The following MBNL2 variants were observed in gnomAD, a reference collection of about 807,000 sequenced individuals.
MBNL2 encodes muscleblind-like protein 2.
A neutral mutation model predicts 41.9 loss-of-function variants in MBNL2; 17 were observed. The ratio of observed to expected loss-of-function variants is 0.41; its 90% CI spans 0.28 to 0.61. The LOEUF is 0.61. Ranked by LOEUF, MBNL2 falls within the 20% of genes least tolerant of loss-of-function variation. MBNL2 has a pLI of 0.35. For synonymous variants in MBNL2, 195 were observed against 182.9 expected (o/e 1.07, Z -0.53); for missense variants, 336 against 505.6 (o/e 0.66, Z 3.22).
At chr13:97,188,109 T>G in the MBNL2 span, among the ~76,000 whole-genome samples, 1 of 152,120 alleles carries the variant, frequency 6.6e-6, no homozygotes, top group East Asian at 1.9e-4. Flanking sequence ...GCAGAGTAAT[T>G]GTCCTTAAAA....
chr13:97,326,339 C>A (rs1376030770), intron 2 of MBNL2, among the ~76,000 whole-genome samples: 1 of 152,172 alleles, frequency 6.6e-6, no homozygotes, highest in Non-Finnish European at 1.5e-5. Context: ...TTCCTTATAT[C>A]ATTCTAGGCA....
At chr13:97,355,493 C>A (rs986344064) in intron 5 of MBNL2, among the ~76,000 whole-genome samples, 3 of 152,028 alleles carry the variant, frequency 2.0e-5, no homozygotes, top group South Asian at 4.1e-4. Flanking sequence ...ATTAGAGAAA[C>A]CTTAGGGACT....
chr13:97,249,176 A>G (rs1389142643), intron 1 of MBNL2, among the ~76,000 whole-genome samples: 1 of 152,242 alleles, frequency 6.6e-6, no homozygotes, highest in East Asian at 1.9e-4. Context: ...CATTATAACA[A>G]AAATGTGTCC....
the MBNL2 span, among the ~76,000 whole-genome samples, chr13:97,165,526 G>A: frequency 6.6e-6 from 1 of 152,200 alleles, no homozygotes; most frequent in East Asian, 1.9e-4. Context: ...AATTTCAGTT[G>A]GGAGGTTTAG....
chr13:97,351,493 G>A lies in MBNL2; in HGVS notation c.804+4426G>A, dbSNP rs116102502. Among the ~76,000 whole-genome samples the A allele has an allele frequency of 9.9e-3, 1,504 of 152,260 alleles. 20 individuals are homozygous for A. The highest frequency in any genetic ancestry group is 0.032 in the African/African-American group (1,322 of 41,562). On this transcript the variant is annotated intron_variant, in intron 5 of 8. Transcript: ENST00000679496. ...ATCTTCCAATATCTGGCTTGTCTAC[G>A]TTGACATCTGTTGTTTACTGTGGCC... is the stretch of plus-strand genomic sequence containing the variant.
At chr13:97,181,387 G>T in the MBNL2 span, among the ~76,000 whole-genome samples, 2 of 152,066 alleles carry the variant, frequency 1.3e-5, no homozygotes, top group Non-Finnish European at 2.9e-5. Flanking sequence ...TTGAATAGGT[G>T]GTTTTAAAAA....
At chr13:97,354,084 A>T (rs1031205798) in intron 5 of MBNL2, among the ~76,000 whole-genome samples, 4 of 150,106 alleles carry the variant, frequency 2.7e-5, no homozygotes, top group African/African-American at 4.9e-5. Flanking sequence ...ACCTCTTCTG[A>T]CTCATCACTC....
intron 1 of MBNL2, among the ~76,000 whole-genome samples, chr13:97,228,075 G>T (rs554078798): frequency 6.6e-6 from 1 of 152,294 alleles, no homozygotes; most frequent in South Asian, 2.1e-4. Flanking sequence ...AGGGAGTTGG[G>T]GGGGAAATGA....
the MBNL2 span, among the ~76,000 whole-genome samples, chr13:97,215,411 G>C: frequency 6.6e-6 from 1 of 152,120 alleles, no homozygotes; most frequent in Non-Finnish European, 1.5e-5. Context: ...ACTAGCTCAA[G>C]GTAATTCATG....
the MBNL2 span, among the ~76,000 whole-genome samples, chr13:97,213,024 TCCAGACA>T: frequency 6.6e-6 from 1 of 152,030 alleles, no homozygotes; most frequent in South Asian, 2.1e-4. Context: ...GAAGATCTGG[TCCAGACA>T]GGAGATCCTG....
rs569637537 is a variant in MBNL2, at chr13:97,238,051, A to G, written c.-605+15520A>G. Reference sequence around the variant, plus strand: ...GAAAACAGAAAAACCAGTGATGCCAATGGCATAAACACACAGGAGGATGGG... The same window carrying G: ...GAAAACAGAAAAACCAGTGATGCCAGTGGCATAAACACACAGGAGGATGGG... On this transcript the variant is annotated intron_variant, in intron 1 of 8. Transcript: ENST00000679496. 1.6e-4 allele frequency among the ~76,000 whole-genome samples: 25 copies of G among 152,332 alleles called. 1 individual carries two copies. The South Asian group carries it at 4.1e-3, about 25-fold the overall frequency.
the MBNL2 span, among the ~76,000 whole-genome samples, chr13:97,194,025 G>T: frequency 1.3e-5 from 2 of 152,106 alleles, no homozygotes; most frequent in Non-Finnish European, 2.9e-5. Context: ...TTCTTCACTC[G>T]ACTTTGTGTA....
intron 8 of MBNL2, among the ~76,000 whole-genome samples, chr13:97,379,442 T>C (rs958394359): frequency 4.6e-5 from 7 of 152,080 alleles, no homozygotes; most frequent in Non-Finnish European, 1.0e-4. Context: ...TTCTTCACCA[T>C]CCCCACAGAA....
upstream of MBNL2, among the ~76,000 whole-genome samples, chr13:97,219,542 G>A (rs886523250): frequency 4.6e-5 from 7 of 152,190 alleles, no homozygotes; most frequent in Non-Finnish European, 1.0e-4. Flanking sequence ...TTCCTGGCTT[G>A]CAGAGAGCTG....
At chr13:97,191,324 T>C in the MBNL2 span, among the ~76,000 whole-genome samples, 7,391 of 149,542 alleles carry the variant, frequency 0.049, 245 homozygotes, top group South Asian at 0.14. Flanking sequence ...TGGGTGGAGC[T>C]GGGGATTCAA....
intron 5 of MBNL2, among the ~76,000 whole-genome samples, chr13:97,352,305 T>C (rs1196815696): frequency 1.3e-5 from 2 of 152,236 alleles, no homozygotes; most frequent in Non-Finnish European, 2.9e-5. Flanking sequence ...CATGCCTTCC[T>C]CACTAAGCTT....
At chr13:97,368,700 TTG>T (rs140107508) in intron 8 of MBNL2, among the ~76,000 whole-genome samples, 4,201 of 147,914 alleles carry the variant, frequency 0.028, 133 homozygotes, top group African/African-American at 0.08. Flanking sequence ...ATATTCAAGT[TTG>T]TGTGTGTGTG....
rs143893600 is a variant in MBNL2 at position 97,265,560 on chromosome 13, G to A, written c.-604-10072G>A. 4.1e-3 allele frequency among the ~76,000 whole-genome samples: 618 copies of A among 152,246 alleles called. 3 individuals carry two copies. Among genetic ancestry groups the A allele is most frequent in the African/African-American group, 0.014 (595 of 41,548 alleles). On this transcript the variant is annotated intron_variant, in intron 1 of 8. Coordinates refer to ENST00000679496, the MANE Select transcript of MBNL2 (RefSeq NM_001382683.1). Reference sequence around the variant, plus strand: ...ACTTCATAGCTTGTACCTACCTTCAGAGAAAGAGCCTTTCTACTTTCTTTT... The same window carrying A: ...ACTTCATAGCTTGTACCTACCTTCAAAGAAAGAGCCTTTCTACTTTCTTTT...
chr13:97,351,760 A>G (rs1454654947), intron 5 of MBNL2, among the ~76,000 whole-genome samples: 1 of 152,186 alleles, frequency 6.6e-6, no homozygotes, highest in Non-Finnish European at 1.5e-5. Flanking sequence ...GTGGTAGCTC[A>G]TGCCTATAAT....
Sources: gnomAD v4.1 joint callset for allele counts (sites outside exome capture counted in the v4.1 genomes callset) on GRCh38, gnomAD v4.1.1 for gene constraint, MANE v1.5 for transcripts, NCBI Gene and HGNC (gene_info 2026-07-23, HGNC 2026-07-21) for gene names.